The following GNAQ variants were observed in gnomAD, a reference collection of about 807,000 sequenced individuals.
GNAQ encodes the protein G protein subunit alpha q, also known as guanine nucleotide-binding protein G(q) subunit alpha.
Under a neutral mutation model 43.9 loss-of-function variants are expected in GNAQ, and 8 were observed. The observed-to-expected ratio is 0.18, with a 90% confidence interval of 0.11 to 0.33. GNAQ has a LOEUF of 0.33. Ranked by LOEUF, GNAQ falls within the 10% of genes least tolerant of loss-of-function variation. The probability of loss-of-function intolerance (pLI) is 1.00; values close to 1 mark genes in which losing one functional copy is unlikely to be tolerated. For synonymous variants in GNAQ, 155 were observed against 170.7 expected (o/e 0.91, Z 0.71); for missense variants, 158 against 450.8 (o/e 0.35, Z 5.88).
At chr9:77,775,979 A>G (rs1826301228) in intron 5 of GNAQ, among the ~76,000 whole-genome samples, 1 of 152,178 alleles carries the variant, frequency 6.6e-6, no homozygotes, top group South Asian at 2.1e-4. Flanking sequence ...TTAGAGACAA[A>G]CTTATGGAAT....
chr9:78,015,202 C>G (rs1194851008), intron 1 of GNAQ, among the ~76,000 whole-genome samples: 1 of 152,134 alleles, frequency 6.6e-6, no homozygotes, highest in Non-Finnish European at 1.5e-5. Flanking sequence ...TACAAAAGCC[C>G]GCAGCGTTCA....
At chr9:77,862,571 C>G (rs868541018) in intron 2 of GNAQ, among the ~76,000 whole-genome samples, 1 of 152,200 alleles carries the variant, frequency 6.6e-6, no homozygotes, top group African/African-American at 2.4e-5. Flanking sequence ...GTGCAAACAG[C>G]AGAAGGACCC....
intron 2 of GNAQ, among the ~76,000 whole-genome samples, chr9:77,917,666 C>A (rs565828616): frequency 6.6e-6 from 1 of 152,044 alleles, no homozygotes; most frequent in Non-Finnish European, 1.5e-5. Context: ...TTGATTTGAC[C>A]GAGTGACAAA....
chr9:77,866,005 C>A (rs1300350012), intron 2 of GNAQ, among the ~76,000 whole-genome samples: 1 of 152,138 alleles, frequency 6.6e-6, no homozygotes, highest in East Asian at 1.9e-4. Flanking sequence ...AGAAGAGGAA[C>A]AGATATTAAA....
In GNAQ at chr9:77,823,100, C is replaced by A. The variant is rs532600198; in HGVS notation, c.322-7330G>T. Among the ~76,000 whole-genome samples, 47 of 152,014 alleles carry A rather than the reference C, an allele frequency of 3.1e-4. No individual in the cohort carries two copies. The East Asian group carries it at 8.0e-3, about 26-fold the overall frequency. ...GACTACAGGCGTCTGCCACAACGCCCGGCTAATTTTTTGTATTTTTAGTAG... is the reference window on the plus strand; with the variant it reads ...GACTACAGGCGTCTGCCACAACGCCAGGCTAATTTTTTGTATTTTTAGTAG... On this transcript the variant is annotated intron_variant, in intron 2 of 6. Transcript: ENST00000286548.
intron 2 of GNAQ, among the ~76,000 whole-genome samples, chr9:77,852,315 C>G (rs774367546): frequency 2.0e-5 from 3 of 152,378 alleles, no homozygotes; most frequent in Non-Finnish European, 4.4e-5. Context: ...GTCCTGACCA[C>G]TTCACTCACT....
At position 77,793,007 on chromosome 9, in the gene GNAQ, G is replaced by A. The variant is rs573233498; in HGVS notation, c.735+1456C>T. On this transcript the variant is annotated intron_variant, in intron 5 of 6. Transcript: ENST00000286548. ...CTGGTACCCAGCATATAGTAGGGAA[G>A]CCCTCAAAATATTTTTTTGTCTTGA... 1.1e-3 allele frequency among the ~76,000 whole-genome samples: 167 copies of A among 152,028 alleles called. 1 individual carries two copies. Among genetic ancestry groups the A allele is most frequent in the Non-Finnish European group, 2.1e-3 (141 of 67,936 alleles).
chr9:77,734,126 T>C (rs534220097), intron 5 of GNAQ, among the ~76,000 whole-genome samples: 1 of 152,214 alleles, frequency 6.6e-6, no homozygotes, highest in Non-Finnish European at 1.5e-5. Flanking sequence ...CTGGCTTTCC[T>C]TATCCCCCTC....
chr9:77,887,284 T>C (rs1828324533), intron 2 of GNAQ, among the ~76,000 whole-genome samples: 2 of 152,244 alleles, frequency 1.3e-5, no homozygotes, highest in African/African-American at 4.8e-5. Flanking sequence ...ATACATTCAA[T>C]GTTACTAAAA....
At chr9:77,801,655 A>C (rs1826744296) in intron 3 of GNAQ, among the ~76,000 whole-genome samples, 1 of 152,330 alleles carries the variant, frequency 6.6e-6, no homozygotes, top group Non-Finnish European at 1.5e-5. Context: ...ACAAAAGACA[A>C]GACTAAGAGG....
intron 2 of GNAQ, among the ~76,000 whole-genome samples, chr9:77,831,582 C>T (rs1361947800): frequency 1.3e-5 from 2 of 152,114 alleles, no homozygotes; most frequent in Non-Finnish European, 2.9e-5. Flanking sequence ...TTCTGAGGAC[C>T]AGATGACATA....
chr9:77,829,913 T>C (rs555154934), intron 2 of GNAQ, among the ~76,000 whole-genome samples: 23 of 152,232 alleles, frequency 1.5e-4, no homozygotes, highest in East Asian at 1.2e-3. Flanking sequence ...GATCCCACCA[T>C]TGAACATTGT....
At chr9:77,723,960 T>A (rs990292412) in intron 6 of GNAQ, among the ~76,000 whole-genome samples, 2 of 152,188 alleles carry the variant, frequency 1.3e-5, no homozygotes, top group African/African-American at 4.8e-5. Context: ...CCCACTGAAT[T>A]GTACACTTTA....
At chr9:77,884,295 G>A (rs1287508757) in intron 2 of GNAQ, among the ~76,000 whole-genome samples, 1 of 152,194 alleles carries the variant, frequency 6.6e-6, no homozygotes, top group East Asian at 1.9e-4. Context: ...TCTGCCTGCT[G>A]AGCCAGCTGC....
chr9:77,849,068 A>G (rs1827631207), intron 2 of GNAQ, among the ~76,000 whole-genome samples: 1 of 152,174 alleles, frequency 6.6e-6, no homozygotes, highest in African/African-American at 2.4e-5. Context: ...CATCCTCAGC[A>G]TGCTTTATTA....
intron 2 of GNAQ, among the ~76,000 whole-genome samples, chr9:77,874,611 A>G (rs1399078038): frequency 6.6e-6 from 1 of 152,004 alleles, no homozygotes; most frequent in African/African-American, 2.4e-5. Flanking sequence ...CAACTAGGCT[A>G]AGCACCTCAA....
chr9:77,958,348 G>GT (rs769047218), intron 1 of GNAQ, among the ~76,000 whole-genome samples: 1 of 151,518 alleles, frequency 6.6e-6, no homozygotes, highest in Non-Finnish European at 1.5e-5. Context: ...ATAAAGATTA[G>GT]TTTTAACAAC....
chr9:77,818,824 A>AC (rs1345579406), intron 2 of GNAQ, among the ~76,000 whole-genome samples: 2 of 151,734 alleles, frequency 1.3e-5, no homozygotes, highest in African/African-American at 4.8e-5. Flanking sequence ...ACATGGCAAG[A>AC]CCCCATCTCT....
At chr9:77,779,713 A>G (rs1052998450) in intron 5 of GNAQ, among the ~76,000 whole-genome samples, 1 of 150,472 alleles carries the variant, frequency 6.6e-6, no homozygotes. Flanking sequence ...AGAAGGCACA[A>G]ATTACTAGTA....
Sources: gnomAD v4.1 joint callset for allele counts (sites outside exome capture counted in the v4.1 genomes callset) on GRCh38, gnomAD v4.1.1 for gene constraint, MANE v1.5 for transcripts, NCBI Gene and HGNC (gene_info 2026-07-23, HGNC 2026-07-21) for gene names.